Variants in NR2C2 observed in about 807,000 individuals in gnomAD.
The protein encoded by NR2C2 is Nuclear hormone receptor TR4.
NR2C2 carries 6 observed loss-of-function variants against 62.9 expected under a neutral mutation model. The observed-to-expected ratio is 0.10, with a 90% CI of 0.05 to 0.19. The LOEUF (loss-of-function observed/expected upper bound fraction) is 0.19, where lower values mean the gene tolerates loss of function less well. Ranked by LOEUF, NR2C2 falls within the 10% of genes least tolerant of loss-of-function variation. The pLI is 1.00. For synonymous variants in NR2C2, 272 were observed against 273.8 expected, an observed-to-expected ratio of 0.99 and a Z score of 0.07; for missense variants, 479 against 762.7, an observed-to-expected ratio of 0.63 and a Z score of 4.38.
rs114740871 is a variant in NR2C2, at chr3:14,991,094, C to T, written c.-39-12782C>T. On this transcript the variant is annotated intron_variant, in intron 1 of 13. Transcript: ENST00000425241. ...TGTTTTTTTGTGACAAGAAATTTAG[C>T]GCTAAGTTTTACCTTTTTAAAATCT... 3.4e-4 allele frequency among the ~76,000 whole-genome samples: 51 copies of T among 152,150 alleles called. 1 individual carries two copies. Among genetic ancestry groups the T allele is most frequent in the South Asian group, 3.3e-3 (16 of 4,824 alleles).
In NR2C2 at chr3:15,046,674, T is replaced by TG. The variant is rs1663577150; in HGVS notation, c.*3670dup. ...CCAGTGTAAATGACTTTATGTGCAA[T>TG]GGGGTCATAGGTAACATTTTAACTC... is the stretch of plus-strand genomic sequence containing the variant. On this transcript the variant is annotated 3_prime_UTR_variant, in exon 14 of 14. Coordinates refer to ENST00000425241, the MANE Select transcript of NR2C2 (RefSeq NM_001291694.2). 2 of 152,410 alleles carry TG rather than the reference T, an allele frequency of 1.3e-5. No individual in the cohort carries two copies. Among genetic ancestry groups the TG allele is most frequent in the African/African-American group, 4.8e-5 (2 of 41,462 alleles). 9.4% of individuals were successfully genotyped at this position (152,410 alleles called of 1,614,324 possible).
chr3:14,977,961 AAAG>A lies in NR2C2; in HGVS notation c.-39-25897_-39-25895del, dbSNP rs558398719. Among the ~76,000 whole-genome samples, 897 of 148,754 alleles carry A rather than the reference AAAG, an allele frequency of 6.0e-3. 12 individuals are homozygous for A. The highest frequency in any genetic ancestry group is 6.7e-3 in the Non-Finnish European group (449 of 67,194). Reference sequence around the variant, plus strand: ...GAGACTCTGCCTCAAAAAAAAAAAAAAAGAAGAAGAAGAAGAAGAACAGACTTC... The same window carrying A: ...GAGACTCTGCCTCAAAAAAAAAAAAAAAGAAGAAGAAGAAGAACAGACTTC... On this transcript the variant is annotated intron_variant, in intron 1 of 13. Coordinates refer to ENST00000425241, the MANE Select transcript of NR2C2 (RefSeq NM_001291694.2).
chr3:15,024,173 G>A lies in NR2C2; in HGVS notation c.763G>A (p.Glu255Lys), dbSNP rs2041757001. 1 of 1,612,678 alleles carries A rather than the reference G, an allele frequency of 6.2e-7. No homozygotes were observed. Among genetic ancestry groups the A allele is most frequent in the Non-Finnish European group, 8.5e-7 (1 of 1,179,392 alleles). ...GAACATCCAGCAGCCTTTGATACGT[G>A]AGGATGGTACAGTTCTCCTGGCCAC... Reference protein sequence around the residue: ...LVNIQQPLIREDGTVLLATDS... With the variant: ...LVNIQQPLIRKDGTVLLATDS... Residue 255 changes from glutamate (E) to lysine (K), a missense_variant, in exon 7 of 14, where the codon GAG (glutamate) becomes AAG (lysine). Glu to Lys is a moderately conservative substitution (Grantham distance 56). Transcript: ENST00000425241.
intron 7 of NR2C2, chr3:15,027,127 A>C (rs1183052038): frequency 6.6e-6 from 1 of 152,184 alleles, no homozygotes; most frequent in Non-Finnish European, 1.5e-5. Flanking sequence ...GGCCTCCCAA[A>C]GTGCTGGGAT....
intron 1 of NR2C2, among the ~76,000 whole-genome samples, chr3:14,982,267 T>C (rs1432202446): frequency 6.6e-6 from 1 of 152,160 alleles, no homozygotes; most frequent in Non-Finnish European, 1.5e-5. Context: ...GATGGGTTCT[T>C]GCTATGTTGC....
chr3:14,986,010 G>C (rs1213630933), intron 1 of NR2C2, among the ~76,000 whole-genome samples: 2 of 152,022 alleles, frequency 1.3e-5, no homozygotes, highest in South Asian at 2.1e-4. Flanking sequence ...CCATTAACTA[G>C]ATCAGTTATT....
At chr3:14,956,328 C>A (rs1291206157) in intron 1 of NR2C2, among the ~76,000 whole-genome samples, 1 of 152,182 alleles carries the variant, frequency 6.6e-6, no homozygotes, top group Admixed American at 6.5e-5. Flanking sequence ...TGAATATGAA[C>A]AGACTTCTAA....
At chr3:15,032,547 T>A in intron 10 of NR2C2, 47 bp downstream of exon 10, 1 of 1,612,898 alleles carries the variant, frequency 6.2e-7, no homozygotes, top group South Asian at 1.1e-5. Flanking sequence ...GGAGCCTTCC[T>A]CTCCCTAGGA....
At chr3:14,994,237 C>A (rs1396386817) in intron 1 of NR2C2, among the ~76,000 whole-genome samples, 2 of 151,922 alleles carry the variant, frequency 1.3e-5, no homozygotes, top group Non-Finnish European at 2.9e-5. Flanking sequence ...GTTTAAAATT[C>A]ATCAGCTTAT....
intron 1 of NR2C2, among the ~76,000 whole-genome samples, chr3:14,975,983 G>A (rs760027189): frequency 1.1e-4 from 17 of 151,810 alleles, no homozygotes; most frequent in South Asian, 4.2e-4. Flanking sequence ...CATGTTGCCC[G>A]GGCTGACCTC....
chr3:14,985,206 G>A (rs1475156900), intron 1 of NR2C2, among the ~76,000 whole-genome samples: 1 of 151,976 alleles, frequency 6.6e-6, no homozygotes, highest in East Asian at 1.9e-4. Context: ...TATATGGTTT[G>A]CAAATGTTTT....
intron 1 of NR2C2, among the ~76,000 whole-genome samples, chr3:14,960,257 C>T (rs553135775): frequency 3.9e-4 from 59 of 152,260 alleles, no homozygotes; most frequent in African/African-American, 1.3e-3. Flanking sequence ...AGATGAACCA[C>T]AGAGTGGGTG....
chr3:14,953,874 G>A (rs1401848914), intron 1 of NR2C2, among the ~76,000 whole-genome samples: 2 of 144,702 alleles, frequency 1.4e-5, no homozygotes, highest in African/African-American at 5.3e-5. Context: ...CAGCCTGGGC[G>A]ACAGTGCGAG....
intron 1 of NR2C2, among the ~76,000 whole-genome samples, chr3:14,972,494 G>T (rs1401147052): frequency 6.6e-6 from 1 of 152,270 alleles, no homozygotes; most frequent in Non-Finnish European, 1.5e-5. Context: ...TCATATGCTA[G>T]TTGGCCATTC....
At chr3:14,999,020 A>C (rs2040910013) in intron 1 of NR2C2, among the ~76,000 whole-genome samples, 1 of 152,090 alleles carries the variant, frequency 6.6e-6, no homozygotes, top group Non-Finnish European at 1.5e-5. Context: ...AAAACAAAAA[A>C]AAAATTTTTT....
intron 4 of NR2C2, among the ~76,000 whole-genome samples, chr3:15,019,029 A>T (rs1346371797): frequency 6.7e-6 from 1 of 149,314 alleles, no homozygotes; most frequent in Admixed American, 6.7e-5. Context: ...AAAAAAAAAA[A>T]AAAAAAAAAA....
At chr3:14,952,627 G>C (rs2039399430) in intron 1 of NR2C2, among the ~76,000 whole-genome samples, 1 of 152,042 alleles carries the variant, frequency 6.6e-6, no homozygotes. Flanking sequence ...TTTCTTCCCT[G>C]TGTGATCATC....
At chr3:14,998,125 A>C (rs112423737) in intron 1 of NR2C2, among the ~76,000 whole-genome samples, 3 of 152,188 alleles carry the variant, frequency 2.0e-5, no homozygotes, top group African/African-American at 7.2e-5. Context: ...GCCAAATAAT[A>C]CTCCATTACA....
chr3:14,965,358 A>G (rs1036231490), intron 1 of NR2C2, among the ~76,000 whole-genome samples: 3 of 151,952 alleles, frequency 2.0e-5, no homozygotes, highest in Non-Finnish European at 4.4e-5. Context: ...ACAAGTCGTC[A>G]GGCAACATCA....
Sources: gnomAD v4.1 joint callset for allele counts (sites outside exome capture counted in the v4.1 genomes callset) on GRCh38, gnomAD v4.1.1 for gene constraint, MANE v1.5 for transcripts, NCBI Gene and HGNC (gene_info 2026-07-23, HGNC 2026-07-21) for gene names.